The following BCL2 variants were observed in gnomAD, a reference collection of about 807,000 sequenced individuals.
The protein encoded by BCL2 is apoptosis regulator Bcl-2.
In BCL2, 1 loss-of-function variant was observed where a neutral mutation model predicts 14.2. That is an observed-to-expected ratio of 0.07 (90% confidence interval 0.02 to 0.33). The LOEUF (loss-of-function observed/expected upper bound fraction) is 0.33, where lower values mean the gene tolerates loss of function less well. BCL2 is among the 10% of genes least tolerant of loss of function. The pLI is 0.99. For synonymous variants in BCL2, 151 were observed against 137.2 expected, an observed-to-expected ratio of 1.10 and a Z score of -0.70; for missense variants, 247 against 305.9, an observed-to-expected ratio of 0.81 and a Z score of 1.44.
chr18:63,146,838 T>C (rs957675812), intron 2 of BCL2, among the ~76,000 whole-genome samples: 4 of 152,182 alleles, frequency 2.6e-5, no homozygotes, highest in Non-Finnish European at 4.4e-5. Context: ...TCATGGTTGA[T>C]GGAATATAGA....
chr18:63,289,993 G>T (rs898658829), intron 2 of BCL2, among the ~76,000 whole-genome samples: 24 of 152,234 alleles, frequency 1.6e-4, no homozygotes, highest in African/African-American at 5.8e-4. Flanking sequence ...AATTCCCCTA[G>T]GGAAGAGTTA....
At chr18:63,276,557 A>G (rs1912159663) in intron 2 of BCL2, among the ~76,000 whole-genome samples, 1 of 152,216 alleles carries the variant, frequency 6.6e-6, no homozygotes, top group East Asian at 1.9e-4. Flanking sequence ...ACCTGTCAAC[A>G]CAAGGGTTTC....
chr18:63,251,001 G>A lies in BCL2; in HGVS notation c.585+67081C>T, dbSNP rs140829440. 2.6e-3 allele frequency among the ~76,000 whole-genome samples: 399 copies of A among 152,136 alleles called. 3 individuals are homozygous for A. The highest frequency in any genetic ancestry group is 9.1e-3 in the African/African-American group (376 of 41,480). ...GAGAGAGAAATGGCTTTCCTCCACC[G>A]CTCTGGGTTTCTTGGCTGGGTTATG... On this transcript the variant is annotated intron_variant, in intron 2 of 2. Coordinates refer to ENST00000333681, the MANE Select transcript of BCL2 (RefSeq NM_000633.3).
At chr18:63,278,934 G>GA (rs1421583154) in intron 2 of BCL2, among the ~76,000 whole-genome samples, 1 of 151,746 alleles carries the variant, frequency 6.6e-6, no homozygotes, top group African/African-American at 2.4e-5. Flanking sequence ...CAGCGCATTA[G>GA]AAAAAAAGAT....
chr18:63,144,952 T>C (rs1914469582), intron 2 of BCL2, among the ~76,000 whole-genome samples: 1 of 152,352 alleles, frequency 6.6e-6, no homozygotes, highest in East Asian at 1.9e-4. Flanking sequence ...AGCCCTTGAC[T>C]GTGGTCTGGC....
At chr18:63,165,672 T>C (rs1483951867) in intron 2 of BCL2, among the ~76,000 whole-genome samples, 1 of 152,176 alleles carries the variant, frequency 6.6e-6, no homozygotes, top group Non-Finnish European at 1.5e-5. Context: ...CTAGGTGTTT[T>C]ACAGTCACCT....
chr18:63,286,304 G>GC (rs1912471870), intron 2 of BCL2, among the ~76,000 whole-genome samples: 1 of 152,192 alleles, frequency 6.6e-6, no homozygotes, highest in Non-Finnish European at 1.5e-5. Context: ...ACAGTTGGGG[G>GC]CAGGGGTGTC....
At chr18:63,266,045 G>A (rs886592422) in intron 2 of BCL2, among the ~76,000 whole-genome samples, 2 of 152,108 alleles carry the variant, frequency 1.3e-5, no homozygotes, top group Non-Finnish European at 2.9e-5. Flanking sequence ...CTGCCCTTTG[G>A]CCGCAAATTC....
At chr18:63,265,013 G>A (rs370847304) in intron 2 of BCL2, among the ~76,000 whole-genome samples, 49 of 152,258 alleles carry the variant, frequency 3.2e-4, no homozygotes, top group African/African-American at 1.0e-3. Context: ...AGGCGCCAGG[G>A]TCCTCAAGGG....
At chr18:63,156,969 C>T (rs558527569) in intron 2 of BCL2, among the ~76,000 whole-genome samples, 3 of 152,206 alleles carry the variant, frequency 2.0e-5, no homozygotes, top group South Asian at 2.1e-4. Context: ...GAGTAGCTAC[C>T]GCAGCTACTC....
At chr18:63,275,226 C>A (rs1912119810) in intron 2 of BCL2, among the ~76,000 whole-genome samples, 1 of 146,462 alleles carries the variant, frequency 6.8e-6, no homozygotes, top group Non-Finnish European at 1.5e-5. Context: ...CAGAGTCAGA[C>A]CCTGTCTCAA....
At chr18:63,287,819 C>G (rs1187054448) in intron 2 of BCL2, among the ~76,000 whole-genome samples, 4 of 152,016 alleles carry the variant, frequency 2.6e-5, no homozygotes, top group Admixed American at 2.0e-4. Context: ...CTTTTAGAAG[C>G]AGGATTCAGA....
chr18:63,236,084 A>T (rs527963725), intron 2 of BCL2, among the ~76,000 whole-genome samples: 1 of 152,128 alleles, frequency 6.6e-6, no homozygotes, highest in Admixed American at 6.5e-5. Flanking sequence ...CGTATATTGA[A>T]TAAGTCTCAC....
intron 2 of BCL2, among the ~76,000 whole-genome samples, chr18:63,252,964 C>T (rs1249675857): frequency 6.6e-6 from 1 of 152,158 alleles, no homozygotes; most frequent in Non-Finnish European, 1.5e-5. Flanking sequence ...CTAACATCTG[C>T]TATTTCCCGA....
chr18:63,319,006 C>T, intron 1 of BCL2, 54 bp from the exon 2 acceptor site: 1 of 1,187,610 alleles, frequency 8.4e-7, no homozygotes, highest in Non-Finnish European at 1.1e-6. Flanking sequence ...GTGCGTTTCC[C>T]TGTACACACT....
chr18:63,280,302 T>C (rs28431965), intron 2 of BCL2, among the ~76,000 whole-genome samples: 6,527 of 152,254 alleles, frequency 0.043, 350 homozygotes, highest in African/African-American at 0.12. Flanking sequence ...TTTCCGTATC[T>C]ATTAAATGAA....
At chr18:63,241,310 C>A (rs1910993699) in intron 2 of BCL2, among the ~76,000 whole-genome samples, 1 of 152,160 alleles carries the variant, frequency 6.6e-6, no homozygotes, top group African/African-American at 2.4e-5. Flanking sequence ...AACTCTATAG[C>A]AATAAATTCA....
chr18:63,284,003 A>G (rs1309364206), intron 2 of BCL2, among the ~76,000 whole-genome samples: 1 of 152,200 alleles, frequency 6.6e-6, no homozygotes, highest in African/African-American at 2.4e-5. Flanking sequence ...TTTCTGGACA[A>G]TCAAAATCCG....
Position 63,128,680 on chromosome 18 carries a change from C to T in BCL2, c.665G>A (p.Ser222Asn). The T allele has an allele frequency of 1.3e-6, 1 of 781,086 alleles. No homozygotes were observed. Among genetic ancestry groups the T allele is most frequent in the East Asian group, 2.4e-5 (1 of 41,258 alleles). 48.4% of individuals were successfully genotyped at this position (781,086 alleles called of 1,614,324 possible). A position where few individuals can be genotyped will look rare whatever the true frequency, so the allele number is the denominator to read the frequency against. Residue 222 changes from serine to asparagine, a missense_variant, in exon 3 of 3, where the codon AGT becomes AAT. This residue lies in a region of BCL2 where 36 missense variants were observed against 24.9 expected (regional missense o/e 1.45). Coordinates refer to ENST00000333681, the MANE Select transcript of BCL2 (RefSeq NM_000633.3). ...GATGCAAGCTCCCACCAGGGCCAAA[C>T]TGAGCAGAGTCTTCAGAGACAGCCA... ...FSWLSLKTLL[S>N]LALVGACITL... is the part of the protein sequence containing the mutation.
Sources: gnomAD v4.1 joint callset for allele counts (sites outside exome capture counted in the v4.1 genomes callset) on GRCh38, gnomAD v4.1.1 for gene constraint, gnomAD v4.1.1 regional missense constraint, MANE v1.5 for transcripts, NCBI Gene and HGNC (gene_info 2026-07-23, HGNC 2026-07-21) for gene names.